The following STK24 variants were observed in gnomAD, a reference collection of about 807,000 sequenced individuals.
STK24 encodes the protein serine/threonine kinase 24.
A neutral mutation model predicts 55.6 loss-of-function variants in STK24; 21 were observed. The ratio of observed to expected loss-of-function variants is 0.38; its 90% CI spans 0.27 to 0.54. STK24 has a LOEUF of 0.54. Ranked by LOEUF, STK24 falls within the 20% of genes least tolerant of loss-of-function variation. The probability of loss-of-function intolerance (pLI) is 0.79; values close to 1 mark genes in which losing one functional copy is unlikely to be tolerated. For synonymous variants in STK24, 200 were observed against 215.2 expected (o/e 0.93, Z 0.62); for missense variants, 383 against 538.4 (o/e 0.71, Z 2.86).
chr13:98,487,000 G>A (rs144052746), intron 2 of STK24, among the ~76,000 whole-genome samples: 23 of 152,360 alleles, frequency 1.5e-4, no homozygotes, highest in African/African-American at 4.3e-4. Flanking sequence ...CAGATGCAAA[G>A]TGCTATCAGC....
Position 98,475,318 on chromosome 13 carries a change from A to G in STK24, c.371T>C (p.Ile124Thr). The G allele has an allele frequency of 6.2e-7, 1 of 1,613,600 alleles. No homozygotes were observed. The highest frequency in any genetic ancestry group is 8.5e-7 in the Non-Finnish European group (1 of 1,179,838). ...GPLDETQIAT[I>T]LREILKGLDY... ...GAGTCCTTTCAGTATTTCTCTTAAT[A>G]TAGTAGCGATCTGGGTTTCATCTAA... Residue 124 changes from isoleucine (I) to threonine (T), a missense_variant, in exon 4 of 11, where the codon ATA becomes ACA. By Grantham distance (89) the Ile-to-Thr change is moderately conservative. Transcript: ENST00000539966.
chr13:98,445,307 A>T lies in STK24; in HGVS notation c.*7866T>A, dbSNP rs576034150. Reference sequence around the variant, plus strand: ...TTTACAAGGTGGTGCAACTGCTTTGAGTCTCTGCTGGTGATGTCACTTTGG... The same window carrying T: ...TTTACAAGGTGGTGCAACTGCTTTGTGTCTCTGCTGGTGATGTCACTTTGG... On this transcript the variant is annotated 3_prime_UTR_variant, in exon 11 of 11. Coordinates refer to ENST00000539966, the MANE Select transcript of STK24 (RefSeq NM_001032296.4). 69 of 152,396 alleles carry T rather than the reference A, an allele frequency of 4.5e-4. No individual in the cohort carries two copies. The highest frequency in any genetic ancestry group is 9.8e-4 in the Admixed American group (15 of 15,308). 9.4% of individuals were successfully genotyped at this position (152,396 alleles called of 1,614,324 possible).
chr13:98,560,604 C>A (rs765512697), intron 1 of STK24, among the ~76,000 whole-genome samples: 1 of 152,112 alleles, frequency 6.6e-6, no homozygotes, highest in Admixed American at 6.5e-5. Context: ...TCTGGCCAGG[C>A]GCGGTGGCTC....
chr13:98,565,640 A>AG (rs1897546881), intron 1 of STK24, among the ~76,000 whole-genome samples: 1 of 151,732 alleles, frequency 6.6e-6, no homozygotes, highest in Non-Finnish European at 1.5e-5. Context: ...TCAAAAAAAA[A>AG]AAAAAAAAAT....
intron 2 of STK24, 36 bp downstream of exon 2, chr13:98,519,207 C>T: frequency 6.4e-7 from 1 of 1,564,158 alleles, no homozygotes; most frequent in Non-Finnish European, 8.8e-7. Flanking sequence ...CAGCCAAGTG[C>T]TGCAGAACGG....
At chr13:98,500,814 A>G (rs1371944842) in intron 2 of STK24, among the ~76,000 whole-genome samples, 3 of 152,082 alleles carry the variant, frequency 2.0e-5, no homozygotes, top group Non-Finnish European at 4.4e-5. Flanking sequence ...AATACAGTGT[A>G]AGTGATGTTA....
chr13:98,576,591 C>T (rs1309585085), intron 1 of STK24, among the ~76,000 whole-genome samples, 154 bp downstream of exon 1: 1 of 151,728 alleles, frequency 6.6e-6, no homozygotes, highest in Non-Finnish European at 1.5e-5. Context: ...CCCAGGGACT[C>T]GGACTCGGAC....
intron 1 of STK24, among the ~76,000 whole-genome samples, chr13:98,542,085 T>C (rs1398914502): frequency 6.6e-6 from 1 of 152,220 alleles, no homozygotes; most frequent in Non-Finnish European, 1.5e-5. Flanking sequence ...GGGCCGTTTA[T>C]AACTCATTTC....
intron 6 of STK24, 60 bp downstream of exon 6, chr13:98,466,316 G>A: frequency 1.3e-6 from 2 of 1,543,378 alleles, no homozygotes; most frequent in Non-Finnish European, 1.8e-6. Context: ...CCAACAGGAT[G>A]TATCTCAACC....
chr13:98,560,186 C>T (rs949744734), intron 1 of STK24, among the ~76,000 whole-genome samples: 4 of 152,192 alleles, frequency 2.6e-5, no homozygotes, highest in African/African-American at 9.7e-5. Flanking sequence ...CAGACACCTC[C>T]CCTCGACGCT....
At chr13:98,530,324 G>C (rs1896549561) in intron 1 of STK24, among the ~76,000 whole-genome samples, 1 of 152,092 alleles carries the variant, frequency 6.6e-6, no homozygotes. Context: ...CCCCATAAAG[G>C]AACTAGATTG....
chr13:98,460,350 A>C (rs1202524611), intron 9 of STK24, 22 bp downstream of exon 9: 1 of 1,609,668 alleles, frequency 6.2e-7, no homozygotes, highest in African/African-American at 1.3e-5. Context: ...TCCCACTCCG[A>C]AAAGGCCAGC....
rs1172830361 is a variant in STK24 at position 98,448,495 on chromosome 13, A to G, written c.*4678T>C. The G allele has an allele frequency of 2.7e-5, 16 of 597,006 alleles. No homozygotes were observed. Among genetic ancestry groups the G allele is most frequent in the Non-Finnish European group, 4.5e-5 (15 of 333,186 alleles). The allele number at this position is 597,006 out of a possible 1,614,324, so 37.0% of individuals were successfully genotyped here. ...CCCCGACCTCTCAGCGTCTGAATGA[A>G]CAGCGCTCCCACCTCCAGTCCTGGC... On this transcript the variant is annotated 3_prime_UTR_variant, in exon 11 of 11. Coordinates refer to ENST00000539966, the MANE Select transcript of STK24 (RefSeq NM_001032296.4).
intron 2 of STK24, among the ~76,000 whole-genome samples, chr13:98,487,713 A>G (rs1275564001): frequency 6.6e-6 from 1 of 152,190 alleles, no homozygotes; most frequent in African/African-American, 2.4e-5. Context: ...TTTTTTAACC[A>G]TAATTAGCCC....
chr13:98,533,488 C>T (rs1781385271), intron 1 of STK24, among the ~76,000 whole-genome samples: 1 of 151,706 alleles, frequency 6.6e-6, no homozygotes, highest in South Asian at 2.1e-4. Context: ...AATGCTCTAG[C>T]TAAGTTAAAA....
intron 5 of STK24, among the ~76,000 whole-genome samples, chr13:98,470,255 G>A (rs1894091280): frequency 1.3e-5 from 2 of 152,196 alleles, no homozygotes; most frequent in South Asian, 2.1e-4. Context: ...GGGACTATAG[G>A]GCATATCACC....
Position 98,446,325 on chromosome 13 carries a change from C to T in STK24, c.*6848G>A. On this transcript the variant is annotated 3_prime_UTR_variant, in exon 11 of 11. Transcript: ENST00000539966. Reference sequence around the variant, plus strand: ...TGGGCTCCAGGTGTCACGGGGATGACAGGGATGCTGGCGGGGGGCCCTGTC... The same window carrying T: ...TGGGCTCCAGGTGTCACGGGGATGATAGGGATGCTGGCGGGGGGCCCTGTC... 1 of 674,670 alleles carries T rather than the reference C, an allele frequency of 1.5e-6. No individual in the cohort carries two copies. The highest frequency in any genetic ancestry group is 2.6e-6 in the Non-Finnish European group (1 of 385,282). The allele number at this position is 674,670 out of a possible 1,614,324, so 41.8% of individuals were successfully genotyped here. A position where few individuals can be genotyped will look rare whatever the true frequency, so the allele number is the denominator to read the frequency against.
At position 98,573,928 on chromosome 13, in the gene STK24, G is replaced by GA. The variant is rs1897807036; in HGVS notation, c.42+2816dup. Reference sequence around the variant, plus strand: ...GCATAAAAATGATTTGCAAAACATTGAAAAATGGTGTTTATACTAACATGG... The same window carrying GA: ...GCATAAAAATGATTTGCAAAACATTGAAAAAATGGTGTTTATACTAACATGG... On this transcript the variant is annotated intron_variant, in intron 1 of 10. Coordinates refer to ENST00000539966, the MANE Select transcript of STK24 (RefSeq NM_001032296.4). Among the ~76,000 whole-genome samples the GA allele has an allele frequency of 5.3e-5, 8 of 152,122 alleles. No individual in the cohort carries two copies. In the South Asian group the frequency reaches 1.7e-3, roughly 32 times the overall value.
rs1892924311 is a variant in STK24 at position 98,447,517 on chromosome 13, T to C, written c.*5656A>G. ...AAAGGCCTGGGACAAGGCCAGGTAA[T>C]TTGGGGAGTCCGTCCTGCATTGTGC... On this transcript the variant is annotated 3_prime_UTR_variant, in exon 11 of 11. Transcript: ENST00000539966. 1 of 152,344 alleles carries C rather than the reference T, an allele frequency of 6.6e-6. No individual in the cohort carries two copies. The allele number at this position is 152,344 out of a possible 1,614,324, so 9.4% of individuals were successfully genotyped here.
Sources: gnomAD v4.1 joint callset for allele counts (sites outside exome capture counted in the v4.1 genomes callset) on GRCh38, gnomAD v4.1.1 for gene constraint, MANE v1.5 for transcripts, NCBI Gene and HGNC (gene_info 2026-07-23, HGNC 2026-07-21) for gene names.